Variants in ZNF276 observed in about 807,000 individuals in gnomAD.
ZNF276 encodes the protein centromere protein Z.
A neutral mutation model predicts 63.9 loss-of-function variants in ZNF276; 59 were observed. That is an observed-to-expected ratio of 0.92 (90% CI 0.75 to 1.15). The LOEUF (loss-of-function observed/expected upper bound fraction) is 1.15, where lower values mean the gene tolerates loss of function less well. Ranked by LOEUF, ZNF276 falls within the 50% of genes most tolerant of loss-of-function variation. The pLI, the probability that ZNF276 is intolerant of heterozygous loss-of-function variation, is 0.00. For synonymous variants in ZNF276, 496 were observed against 348.4 expected (o/e 1.42, Z -4.72); for missense variants, 1,084 against 843.8 (o/e 1.28, Z -3.53).
In ZNF276 at chr16:89,739,304, A is replaced by C. The variant is rs773327440; in HGVS notation, c.*1058A>C. ...AGGAGAGAAGACTAGAGGTAAAGAC[A>C]TAGTGACAAATGGCTACAGACTGCT... On this transcript the variant is annotated 3_prime_UTR_variant, in exon 11 of 11. Transcript: ENST00000443381. 6.2e-7 allele frequency: 1 copy of C among 1,614,106 alleles called. No individual in the cohort carries two copies. Among genetic ancestry groups the C allele is most frequent in the Admixed American group, 1.7e-5 (1 of 60,024 alleles).
intron 9 of ZNF276, among the ~76,000 whole-genome samples, chr16:89,735,082 G>C (rs993528238): frequency 6.6e-6 from 1 of 151,070 alleles, no homozygotes. Context: ...GCAGTGAGCC[G>C]AGATCACACC....
In ZNF276 at chr16:89,738,121, TC is replaced by T; in HGVS notation, c.1722del (p.Met575TrpfsTer5). On this transcript the variant is annotated frameshift_variant, in exon 11 of 11. Coordinates refer to ENST00000443381, the MANE Select transcript of ZNF276 (RefSeq NM_001113525.2). LOFTEE classifies it low-confidence loss of function (END_TRUNC). ...GGCCCACAACCTCAATGTACACATG[TC>T]CATGGTGCACCCGCTGACACAGACC... is the stretch of plus-strand genomic sequence containing the variant. ...EKAHNLNVHM[S>X]MVHPLTQTQD... 6.2e-7 allele frequency: 1 copy of T among 1,613,800 alleles called. No individual in the cohort carries two copies. Among genetic ancestry groups the T allele is most frequent in the Non-Finnish European group, 8.5e-7 (1 of 1,180,020 alleles).
upstream of ZNF276, chr16:89,720,818 C>T: frequency 1.4e-6 from 2 of 1,455,840 alleles, no homozygotes. Flanking sequence ...CTTCATGGCG[C>T]TCTGCAGCGG....
chr16:89,720,970 G>A, upstream of ZNF276: 1 of 1,088,360 alleles, frequency 9.2e-7, no homozygotes. Flanking sequence ...GCGGACCGCA[G>A]GAAGGGACGC....
At chr16:89,730,622 G>A (rs1462656174) in intron 6 of ZNF276, among the ~76,000 whole-genome samples, 4 of 152,288 alleles carry the variant, frequency 2.6e-5, no homozygotes, top group African/African-American at 9.6e-5. Context: ...CGGGAGATAC[G>A]TTTTCAGAGG....
Position 89,738,405 on chromosome 16 carries a change from T to C in ZNF276, c.*159T>C, listed in dbSNP as rs1369691740. ...TCCGGCTCAAGTAGCCTTCCTCTGC[T>C]CTGGGACCAGTGGTTTATTTTCCCG... is the stretch of plus-strand genomic sequence containing the variant. On this transcript the variant is annotated 3_prime_UTR_variant, in exon 11 of 11. Transcript: ENST00000443381. 5 of 1,378,992 alleles carry C rather than the reference T, an allele frequency of 3.6e-6. No individual in the cohort carries two copies. In the Admixed American group the frequency reaches 6.3e-5, roughly 17 times the overall value. 85.4% of individuals were successfully genotyped at this position (1,378,992 alleles called of 1,614,324 possible).
chr16:89,728,176 G>C (rs2151676280), intron 5 of ZNF276, among the ~76,000 whole-genome samples: 1 of 151,480 alleles, frequency 6.6e-6, no homozygotes, highest in South Asian at 2.1e-4. Context: ...AACCGCAGCT[G>C]AGGTTATAGC....
At chr16:89,726,311 C>G (rs956526069) in intron 4 of ZNF276, among the ~76,000 whole-genome samples, 1 of 152,186 alleles carries the variant, frequency 6.6e-6, no homozygotes, top group African/African-American at 2.4e-5. Flanking sequence ...ATTCTCCTGC[C>G]TCAGCCTCCC....
intron 6 of ZNF276, chr16:89,731,888 T>C (rs998340045): frequency 3.3e-5 from 5 of 152,250 alleles, no homozygotes; most frequent in African/African-American, 1.2e-4. Context: ...TAGAAGGTCG[T>C]GTCATTTGTG....
intron 6 of ZNF276, among the ~76,000 whole-genome samples, chr16:89,730,873 C>T (rs1371752066): frequency 6.6e-6 from 1 of 152,206 alleles, no homozygotes; most frequent in Non-Finnish European, 1.5e-5. Flanking sequence ...GTGTCCTCAG[C>T]TGGGGGCGCA....
Position 89,725,809 on chromosome 16 carries a change from C to T in ZNF276, c.1007-1470C>T, listed in dbSNP as rs902404022. On this transcript the variant is annotated intron_variant, in intron 4 of 10. Transcript: ENST00000443381. ...CTGTCTAAAAAAGAAAAAAACAAAACAAAGAAAACTTATTTTAAGTAGAGA... is the reference window on the plus strand; with the variant it reads ...CTGTCTAAAAAAGAAAAAAACAAAATAAAGAAAACTTATTTTAAGTAGAGA... Among the ~76,000 whole-genome samples the T allele has an allele frequency of 1.6e-4, 24 of 152,154 alleles. No individual in the cohort carries two copies. In the East Asian group the frequency reaches 4.5e-3, roughly 28 times the overall value.
At position 89,733,292 on chromosome 16, in the gene ZNF276, T is replaced by C. The variant is rs769150539; in HGVS notation, c.1170-10T>C. On this transcript the variant is annotated splice_polypyrimidine_tract_variant and intron_variant, in intron 6 of 10. Coordinates refer to ENST00000443381, the MANE Select transcript of ZNF276 (RefSeq NM_001113525.2). ...AGAAACCATTGAATTTGGGAACCTC[T>C]TTTTTTCAGAGTCTCTGGTAAGAAG... 1 of 1,608,880 alleles carries C rather than the reference T, an allele frequency of 6.2e-7. No individual in the cohort carries two copies. Among genetic ancestry groups the C allele is most frequent in the Non-Finnish European group, 8.5e-7 (1 of 1,177,850 alleles).
At position 89,739,560 on chromosome 16, in the gene ZNF276, C is replaced by T. The variant is rs2062071481; in HGVS notation, c.*1314C>T. 3.2e-6 allele frequency: 5 copies of T among 1,551,128 alleles called. No homozygotes were observed. The highest frequency in any genetic ancestry group is 2.6e-6 in the Non-Finnish European group (3 of 1,146,938). On this transcript the variant is annotated 3_prime_UTR_variant, in exon 11 of 11. Transcript: ENST00000443381. ...AGCCGCCCCAGCCTGAGGTCTGCAA[C>T]ACCAAGAAGTGGCTCAGGCAACTCT...
In ZNF276 at chr16:89,724,928, C is replaced by T. The variant is rs190091422; in HGVS notation, c.1006+1219C>T. Among the ~76,000 whole-genome samples, 3 of 152,152 alleles carry T rather than the reference C, an allele frequency of 2.0e-5. No individual in the cohort carries two copies. In the East Asian group the frequency reaches 5.8e-4, roughly 29 times the overall value. ...TCTACCTATTTATCTATTTATTTAC[C>T]TACTTATCTATCTATCTATGTGTTT... On this transcript the variant is annotated intron_variant, in intron 4 of 10. Coordinates refer to ENST00000443381, the MANE Select transcript of ZNF276 (RefSeq NM_001113525.2).
chr16:89,740,392 C>A lies in ZNF276; in HGVS notation c.*2146C>A. The A allele has an allele frequency of 2.0e-6, 1 of 494,442 alleles. No homozygotes were observed. Among genetic ancestry groups the A allele is most frequent in the Non-Finnish European group, 3.7e-6 (1 of 272,710 alleles). The allele number at this position is 494,442 out of a possible 1,614,324, so 30.6% of individuals were successfully genotyped here. A position where few individuals can be genotyped will look rare whatever the true frequency, so the allele number is the denominator to read the frequency against. On this transcript the variant is annotated 3_prime_UTR_variant, in exon 11 of 11. Coordinates refer to ENST00000443381, the MANE Select transcript of ZNF276 (RefSeq NM_001113525.2). ...CAGTGGCTCATGCCTGTAATCCCAACACTTTGGGAGGCCGAGGTCGGCGGA... is the reference window on the plus strand; with the variant it reads ...CAGTGGCTCATGCCTGTAATCCCAAAACTTTGGGAGGCCGAGGTCGGCGGA...
In ZNF276 at chr16:89,733,544, CT is replaced by C; in HGVS notation, c.1344del (p.Asp449ThrfsTer3). ...GGCTGCACGGCCGTGTACCGAGGCG[CT>C]GACGGCATGAAGGTGAGCACTGGCT... ...YQGCTAVYRG[A>X]DGMKKHIKEH... On this transcript the variant is annotated frameshift_variant, in exon 8 of 11. Transcript: ENST00000443381. LOFTEE classifies it high-confidence loss of function. 1 of 1,614,092 alleles carries C rather than the reference CT, an allele frequency of 6.2e-7. No homozygotes were observed. Among genetic ancestry groups the C allele is most frequent in the East Asian group, 2.2e-5 (1 of 44,882 alleles).
intron 6 of ZNF276, among the ~76,000 whole-genome samples, chr16:89,730,039 C>T (rs1454837134): frequency 2.0e-5 from 3 of 152,138 alleles, no homozygotes; most frequent in African/African-American, 7.2e-5. Context: ...GCAGGTGGCT[C>T]TGAGCACCAC....
At chr16:89,731,819 A>C (rs1389789596) in intron 6 of ZNF276, 1 of 152,248 alleles carries the variant, frequency 6.6e-6, no homozygotes, top group African/African-American at 2.4e-5. Flanking sequence ...TGTGCCCTGC[A>C]ACTTTGCTGA....
In ZNF276 at chr16:89,738,863, G is replaced by C; in HGVS notation, c.*617G>C. 1 of 1,614,244 alleles carries C rather than the reference G, an allele frequency of 6.2e-7. No homozygotes were observed. The highest frequency in any genetic ancestry group is 8.5e-7 in the Non-Finnish European group (1 of 1,180,044). Reference sequence around the variant, plus strand: ...TCTCATGTCCCCCACATGGCCCAAGGTGGGCATCTTGACGTTACCTCTGCC... The same window carrying C: ...TCTCATGTCCCCCACATGGCCCAAGCTGGGCATCTTGACGTTACCTCTGCC... On this transcript the variant is annotated 3_prime_UTR_variant, in exon 11 of 11. Coordinates refer to ENST00000443381, the MANE Select transcript of ZNF276 (RefSeq NM_001113525.2).
Sources: allele counts gnomAD v4.1 joint callset (sites outside exome capture counted in the v4.1 genomes callset), GRCh38; gene constraint gnomAD v4.1.1; transcripts MANE v1.5; gene names NCBI Gene and HGNC (gene_info 2026-07-23, HGNC 2026-07-21).